The following OTOA variants were observed in gnomAD, a reference collection of about 807,000 sequenced individuals.
OTOA encodes cancer/testis antigen 108.
A neutral mutation model predicts 110.8 loss-of-function variants in OTOA; 70 were observed. That is an observed-to-expected ratio of 0.63 (90% CI 0.52 to 0.77). The LOEUF is 0.77. Ranked by LOEUF, OTOA falls within the 30% of genes least tolerant of loss-of-function variation. The probability of loss-of-function intolerance (pLI) is 0.00; values close to 1 mark genes in which losing one functional copy is unlikely to be tolerated. For missense variants in OTOA, 917 were observed against 1,075.8 expected (o/e 0.85, Z 2.06); for synonymous variants, 373 against 431.5 (o/e 0.86, Z 1.68).
intron 11 of OTOA, among the ~76,000 whole-genome samples, chr16:21,703,000 TA>T (rs895766202): frequency 6.6e-6 from 1 of 152,310 alleles, no homozygotes; most frequent in African/African-American, 2.4e-5. Context: ...TTTATTTTTT[TA>T]AATTGATAAA....
chr16:21,679,306 C>A, intron 5 of OTOA, 95 bp downstream of exon 5: 1 of 1,357,810 alleles, frequency 7.4e-7, no homozygotes, highest in South Asian at 1.2e-5. Context: ...AATATGTGCT[C>A]ATTACAAAAA....
rs1897737966 is a variant in OTOA at position 21,687,420 on chromosome 16, A to T, written c.407A>T (p.Lys136Ile). The change falls in exon 8 of 29, where the codon AAA becomes ATA. Residue 136 changes from lysine (K) to isoleucine (I), a missense_variant. Lys to Ile is a moderately radical substitution (Grantham distance 102, BLOSUM62 -3). Transcript: ENST00000646100. ...CTTCTGTCATTGCTTTAGGACCTGA[A>T]AGACATCATCATCGACTTAGGAGAG... ...LEDKKDGLDL[K>I]DIIIDLGEIR... 1 of 1,613,918 alleles carries T rather than the reference A, an allele frequency of 6.2e-7. No homozygotes were observed. The highest frequency in any genetic ancestry group is 8.5e-7 in the Non-Finnish European group (1 of 1,179,978).
Position 21,678,725 on chromosome 16 carries a change from T to C in OTOA, c.91+120T>C, listed in dbSNP as rs556681772. 201 of 1,147,964 alleles carry C rather than the reference T, an allele frequency of 1.8e-4. 2 individuals carry two copies. In the South Asian group the frequency reaches 2.4e-3, roughly 14 times the overall value. The allele number at this position is 1,147,964 out of a possible 1,614,324, so 71.1% of individuals were successfully genotyped here. On this transcript the variant is annotated intron_variant, in intron 2 of 28. Transcript: ENST00000646100. ...TTTTTGGGCTGTGTGTGTGTGCATG[T>C]ATGATTTTTCAGGATTATTCTAAGA...
At chr16:21,733,562 CG>C (rs1229111161) in intron 21 of OTOA, among the ~76,000 whole-genome samples, 2 of 148,164 alleles carry the variant, frequency 1.3e-5, no homozygotes, top group East Asian at 4.6e-4. Context: ...CTGGGTGAGC[CG>C]GGACCCAGTG....
rs114761715 is a variant in OTOA, at chr16:21,670,826, T to A, written c.-5+6594T>A. Reference sequence around the variant, plus strand: ...GTCAGAGAATTCAGGGAAGGCTTCATTGAAGACTTGAAATTTACAATGAAT... The same window carrying A: ...GTCAGAGAATTCAGGGAAGGCTTCAATGAAGACTTGAAATTTACAATGAAT... On this transcript the variant is annotated intron_variant, in intron 1 of 28. Coordinates refer to ENST00000646100, the MANE Select transcript of OTOA (RefSeq NM_144672.4). 4.7e-3 allele frequency among the ~76,000 whole-genome samples: 718 copies of A among 152,308 alleles called. 6 individuals carry two copies. The highest frequency in any genetic ancestry group is 0.016 in the African/African-American group (673 of 41,576).
rs1359426079 is a variant in OTOA at position 21,687,783 on chromosome 16, T to C, written c.635+135T>C. ...CCCAGGTTCAAGTGATTCTCCTGCC[T>C]CAATTCCAAGTAGCTGGGACTACAG... On this transcript the variant is annotated intron_variant, in intron 8 of 28. Transcript: ENST00000646100. The C allele has an allele frequency of 1.0e-4, 83 of 801,438 alleles. No individual in the cohort carries two copies. In the East Asian group the frequency reaches 2.1e-3, roughly 21 times the overall value. 49.6% of individuals were successfully genotyped at this position (801,438 alleles called of 1,614,324 possible).
intron 9 of OTOA, among the ~76,000 whole-genome samples, chr16:21,693,527 T>C (rs1897875128): frequency 6.6e-6 from 1 of 152,056 alleles, no homozygotes; most frequent in Admixed American, 6.6e-5. Context: ...AACATGTAAG[T>C]AAATAAAGAG....
chr16:21,675,625 T>G (rs1455797063), intron 1 of OTOA, among the ~76,000 whole-genome samples: 1 of 152,158 alleles, frequency 6.6e-6, no homozygotes, highest in Non-Finnish European at 1.5e-5. Context: ...GTTCACTAAT[T>G]TTTCTTCTGC....
At chr16:21,758,963 G>C (rs1900081080) in intron 28 of OTOA, among the ~76,000 whole-genome samples, 1 of 151,800 alleles carries the variant, frequency 6.6e-6, no homozygotes, top group African/African-American at 2.4e-5. Context: ...GATCATGCCA[G>C]TTCACTCCAG....
At chr16:21,738,448 C>CATTTT (rs1487943134) in intron 22 of OTOA, among the ~76,000 whole-genome samples, 17 of 108,458 alleles carry the variant, frequency 1.6e-4, no homozygotes, top group Non-Finnish European at 2.5e-4. Flanking sequence ...CTTGTTCTCC[C>CATTTT]GTTTTTTTTT....
intron 12 of OTOA, among the ~76,000 whole-genome samples, chr16:21,706,189 T>A (rs1898163881): frequency 6.6e-6 from 1 of 152,186 alleles, no homozygotes; most frequent in Non-Finnish European, 1.5e-5. Flanking sequence ...ATTCAGGAGC[T>A]CTTGGTTGAG....
At chr16:21,744,344 G>A (rs1197180533) in intron 23 of OTOA, among the ~76,000 whole-genome samples, 11 of 152,100 alleles carry the variant, frequency 7.2e-5, no homozygotes, top group East Asian at 1.9e-4. Context: ...GCAGGGTTTC[G>A]TTATGTTGGC....
chr16:21,714,490 CTCTCTCTCTCTT>C (rs1898486159), intron 13 of OTOA, among the ~76,000 whole-genome samples: 1 of 120,224 alleles, frequency 8.3e-6, no homozygotes, highest in Non-Finnish European at 1.9e-5. Context: ...CTCTCCCTCT[CTCTCTCTCTCTT>C]TCTTTCTTTC....
At chr16:21,665,972 A>T (rs1966839813) in intron 1 of OTOA, among the ~76,000 whole-genome samples, 1 of 152,076 alleles carries the variant, frequency 6.6e-6, no homozygotes, top group Non-Finnish European at 1.5e-5. Flanking sequence ...CTAGGGCTAC[A>T]AGCATGCACC....
chr16:21,677,964 G>A (rs1048819710), intron 1 of OTOA, among the ~76,000 whole-genome samples: 5 of 151,984 alleles, frequency 3.3e-5, no homozygotes, highest in Non-Finnish European at 5.9e-5. Context: ...TTGGCTCACT[G>A]CAACCTCTAC....
intron 1 of OTOA, 69 bp from the exon 2 acceptor site, chr16:21,678,442 A>ATG (rs200275083): frequency 2.6e-4 from 239 of 925,372 alleles, no homozygotes; most frequent in East Asian, 9.2e-4. Context: ...ATGTATATAT[A>ATG]TGTGTGTGTG....
At chr16:21,666,242 C>CTTTTT in intron 1 of OTOA, among the ~76,000 whole-genome samples, 2 of 129,410 alleles carry the variant, frequency 1.5e-5, no homozygotes, top group African/African-American at 6.7e-5. Flanking sequence ...CATGAAATGG[C>CTTTTT]ATTTTTTTTT....
chr16:21,760,662 C>T lies in OTOA; in HGVS notation c.*122C>T. 2.6e-6 allele frequency: 2 copies of T among 781,118 alleles called. No homozygotes were observed. The highest frequency in any genetic ancestry group is 4.2e-6 in the Non-Finnish European group (2 of 481,210). 48.4% of individuals were successfully genotyped at this position (781,118 alleles called of 1,614,324 possible). ...AGACCCTCATCTAGGGCAGGGAAAC[C>T]CTGGGGCCTTGATGGTGAAAATGCA... On this transcript the variant is annotated 3_prime_UTR_variant, in exon 29 of 29. Transcript: ENST00000646100.
At position 21,719,484 on chromosome 16, in the gene OTOA, G is replaced by A. The variant is rs775622219; in HGVS notation, c.1786G>A (p.Ala596Thr). 24 of 1,613,798 alleles carry A rather than the reference G, an allele frequency of 1.5e-5. No homozygotes were observed. Among genetic ancestry groups the A allele is most frequent in the African/African-American group, 4.0e-5 (3 of 74,866 alleles). The change falls in exon 17 of 29, where the codon GCC becomes ACC. Residue 596 changes from alanine to threonine, a missense_variant. Ala to Thr is a moderately conservative substitution (Grantham distance 58, BLOSUM62 0). Around this residue, in one of 6 missense-constraint regions of OTOA, gnomAD observed 840 missense variants for 910.2 expected, o/e 0.92. Transcript: ENST00000646100. ...TTTCCAGGATTTTCAGAACAACTTC[G>A]CCCTGCTTTCACCCTATCAGGTACC... is the stretch of plus-strand genomic sequence containing the variant. ...AHFQDFQNNFALLSPYQVNCL... is the reference protein window; with the variant it reads ...AHFQDFQNNFTLLSPYQVNCL...
Sources: allele counts gnomAD v4.1 joint callset (sites outside exome capture counted in the v4.1 genomes callset), GRCh38; gene constraint gnomAD v4.1.1; regional missense constraint gnomAD v4.1.1; transcripts MANE v1.5; gene names NCBI Gene and HGNC (gene_info 2026-07-23, HGNC 2026-07-21).